Variants in LYSMD4 observed in about 807,000 individuals in gnomAD.
LYSMD4 encodes lysM and putative peptidoglycan-binding domain-containing protein 4.
LYSMD4 carries 9 observed loss-of-function variants against 6.1 expected under a neutral mutation model. That is an observed-to-expected ratio of 1.47 (90% CI 0.88 to 2.56). LYSMD4 has a LOEUF of 2.56. Among genes scored for constraint, LYSMD4 ranks in the 30% most tolerant of loss-of-function variants. The probability of loss-of-function intolerance (pLI) is 0.00; values close to 1 mark genes in which losing one functional copy is unlikely to be tolerated. For missense variants in LYSMD4, 384 were observed against 373.5 expected, an observed-to-expected ratio of 1.03 and a Z score of -0.23; for synonymous variants, 143 against 148.5, an observed-to-expected ratio of 0.96 and a Z score of 0.27.
upstream of LYSMD4, among the ~76,000 whole-genome samples, chr15:99,720,145 A>G (rs1480818032): frequency 6.6e-6 from 1 of 152,174 alleles, no homozygotes; most frequent in African/African-American, 2.4e-5. Context: ...TATGGAGTCA[A>G]ATTTATCAAT....
rs1174389604 is a variant in LYSMD4 at position 99,728,200 on chromosome 15, G to A, written c.*923C>T. The A allele has an allele frequency of 2.0e-5, 3 of 152,630 alleles. No individual in the cohort carries two copies. The East Asian group carries it at 5.8e-4, about 29-fold the overall frequency. The allele number at this position is 152,630 out of a possible 1,614,324, so 9.5% of individuals were successfully genotyped here. ...CTGGAGCTCCGAAGAACTGAGCCAG[G>A]GAAGCAGCAGGGGGAGCGCCCTGTG... On this transcript the variant is annotated 3_prime_UTR_variant, in exon 3 of 3. Coordinates refer to ENST00000684762, the MANE Select transcript of LYSMD4 (RefSeq NM_001284417.2).
exon 1 of LYSMD4, chr15:99,715,901 T>C (rs138403437): frequency 2.0e-5 from 3 of 152,596 alleles, no homozygotes; most frequent in Non-Finnish European, 4.4e-5. Context: ...CATTTTGTTA[T>C]AGACTAAATC....
At chr15:99,717,874 CCTT>C (rs1451272518), upstream of LYSMD4, 1 of 152,218 alleles carries the variant, frequency 6.6e-6, no homozygotes, top group Non-Finnish European at 1.5e-5. Context: ...CACAGTCCCC[CCTT>C]TTTTTACTCT....
chr15:99,718,825 C>A (rs571305786), upstream of LYSMD4, among the ~76,000 whole-genome samples: 2 of 152,188 alleles, frequency 1.3e-5, no homozygotes, highest in East Asian at 3.9e-4. Flanking sequence ...CAGATCTGGG[C>A]AATAGATGTG....
chr15:99,724,773 G>T (rs753689746), downstream of LYSMD4, among the ~76,000 whole-genome samples: 8 of 152,210 alleles, frequency 5.3e-5, no homozygotes, highest in Non-Finnish European at 1.2e-4. Flanking sequence ...TCTCCCCCAG[G>T]TGTGGTAAGG....
intron 2 of LYSMD4, among the ~76,000 whole-genome samples, chr15:99,730,906 T>C (rs2059392459): frequency 6.6e-6 from 1 of 152,222 alleles, no homozygotes; most frequent in Non-Finnish European, 1.5e-5. Context: ...GAGCCAAATA[T>C]AATTGTCAGT....
upstream of LYSMD4, among the ~76,000 whole-genome samples, chr15:99,718,950 T>C (rs1401830377): frequency 6.6e-6 from 1 of 152,056 alleles, no homozygotes; most frequent in Admixed American, 6.5e-5. Context: ...CATCCATCCA[T>C]ATTCCTAATT....
chr15:99,718,554 G>C (rs1446142778), upstream of LYSMD4, among the ~76,000 whole-genome samples: 1 of 152,032 alleles, frequency 6.6e-6, no homozygotes, highest in Non-Finnish European at 1.5e-5. Flanking sequence ...TTCTCATTTC[G>C]TTACTCATTA....
At chr15:99,723,229 G>T (rs1042923501), downstream of LYSMD4, among the ~76,000 whole-genome samples, 6 of 152,102 alleles carry the variant, frequency 3.9e-5, no homozygotes, top group African/African-American at 1.4e-4. Flanking sequence ...GCTAAAATTT[G>T]TCCAAATTAG....
downstream of LYSMD4, among the ~76,000 whole-genome samples, chr15:99,726,966 C>T (rs1462227610): frequency 1.3e-5 from 2 of 152,176 alleles, no homozygotes; most frequent in African/African-American, 4.8e-5. Flanking sequence ...ACAGTACAAG[C>T]CCCAAGTTGG....
At chr15:99,722,114 G>A (rs1158376356), upstream of LYSMD4, among the ~76,000 whole-genome samples, 1 of 152,192 alleles carries the variant, frequency 6.6e-6, no homozygotes, top group African/African-American at 2.4e-5. Context: ...AAAAAAGTAG[G>A]CGGGACAATT....
chr15:99,723,657 C>T (rs1003697805), downstream of LYSMD4, among the ~76,000 whole-genome samples: 8 of 152,200 alleles, frequency 5.3e-5, no homozygotes, highest in Admixed American at 4.6e-4. Flanking sequence ...TGGTGTGCTC[C>T]CTTCTCTTGG....
intron 1 of LYSMD4, 123 bp downstream of exon 1, chr15:99,733,222 C>G: frequency 5.3e-6 from 2 of 373,912 alleles, no homozygotes; most frequent in Non-Finnish European, 9.5e-6. Flanking sequence ...TGGAGCGTCC[C>G]CCTAGGAGCC....
upstream of LYSMD4, among the ~76,000 whole-genome samples, chr15:99,720,578 G>A (rs997172320): frequency 2.0e-5 from 3 of 152,168 alleles, no homozygotes; most frequent in African/African-American, 4.8e-5. Flanking sequence ...CCTCATGACC[G>A]TAAATTGTAA....
chr15:99,726,137 T>A (rs2059277956), downstream of LYSMD4, among the ~76,000 whole-genome samples: 1 of 141,522 alleles, frequency 7.1e-6, no homozygotes, highest in South Asian at 2.3e-4. Flanking sequence ...GCTTCCGCTG[T>A]CTCAAGTGGT....
chr15:99,723,734 A>T (rs1431598462), downstream of LYSMD4, among the ~76,000 whole-genome samples: 3 of 152,248 alleles, frequency 2.0e-5, no homozygotes, highest in Non-Finnish European at 4.4e-5. Context: ...GCTGTCATGC[A>T]TCGCCTGTAT....
At chr15:99,719,064 T>C (rs2059218419), upstream of LYSMD4, among the ~76,000 whole-genome samples, 1 of 152,230 alleles carries the variant, frequency 6.6e-6, no homozygotes. Context: ...TACAGTCCTT[T>C]TACTTATTGT....
In LYSMD4 at chr15:99,733,096, C is replaced by T. The variant is rs368965576; in HGVS notation, c.-9+249G>A. 135 of 359,750 alleles carry T rather than the reference C, an allele frequency of 3.8e-4. No individual in the cohort carries two copies. In the East Asian group the frequency reaches 5.1e-3, roughly 14 times the overall value. The allele number at this position is 359,750 out of a possible 1,614,324, so 22.3% of individuals were successfully genotyped here. ...TGGGGAGCGGCCCGGCCCCAGGGCTCCACGGCTCCACGGGCGGGGCCCTAA... is the reference window on the plus strand; with the variant it reads ...TGGGGAGCGGCCCGGCCCCAGGGCTTCACGGCTCCACGGGCGGGGCCCTAA... On this transcript the variant is annotated intron_variant, in intron 1 of 2. Coordinates refer to ENST00000684762, the MANE Select transcript of LYSMD4 (RefSeq NM_001284417.2).
At chr15:99,716,518 A>G (rs1418036956) in exon 1 of LYSMD4, 1 of 456,768 alleles carries the variant, frequency 2.2e-6, no homozygotes, top group African/African-American at 2.0e-5. Context: ...TTGCCTGGGG[A>G]CACAAGGCGC....
Sources: gnomAD v4.1 joint callset for allele counts (sites outside exome capture counted in the v4.1 genomes callset) on GRCh38, gnomAD v4.1.1 for gene constraint, MANE v1.5 for transcripts, NCBI Gene and HGNC (gene_info 2026-07-23, HGNC 2026-07-21) for gene names.